The following SH3RF1 variants were observed in gnomAD, a reference collection of about 807,000 sequenced individuals.
SH3RF1 encodes SH3 domain containing ring finger 1.
Under a neutral mutation model 74.0 loss-of-function variants are expected in SH3RF1, and 32 were observed. That is an observed-to-expected ratio of 0.43 (90% CI 0.33 to 0.58). The LOEUF is 0.58. Among genes scored for constraint, SH3RF1 ranks in the 20% least tolerant of loss-of-function variants. SH3RF1 has a pLI of 0.05. For synonymous variants in SH3RF1, 396 were observed against 439.6 expected (o/e 0.90, Z 1.24); for missense variants, 954 against 1,130.9 (o/e 0.84, Z 2.24).
chr4:169,245,219 A>G (rs967130821), intron 2 of SH3RF1, among the ~76,000 whole-genome samples: 4 of 152,214 alleles, frequency 2.6e-5, no homozygotes, highest in African/African-American at 7.2e-5. Context: ...AACGCTACCA[A>G]CTACTAACTG....
At chr4:169,234,875 C>T (rs1579154707) in intron 2 of SH3RF1, among the ~76,000 whole-genome samples, 2 of 152,026 alleles carry the variant, frequency 1.3e-5, no homozygotes, top group South Asian at 2.1e-4. Context: ...CATGGTAGGA[C>T]GCACAGCATT....
intron 2 of SH3RF1, among the ~76,000 whole-genome samples, chr4:169,259,700 A>C (rs1482919769): frequency 6.6e-6 from 1 of 152,166 alleles, no homozygotes; most frequent in African/African-American, 2.4e-5. Context: ...TAAATGAGGG[A>C]GCCTTACCAG....
At chr4:169,196,605 T>C (rs1734816575) in intron 2 of SH3RF1, among the ~76,000 whole-genome samples, 1 of 152,222 alleles carries the variant, frequency 6.6e-6, no homozygotes, top group Non-Finnish European at 1.5e-5. Flanking sequence ...TTTCAGGGCA[T>C]GAGAAAATTA....
intron 1 of SH3RF1, 78 bp downstream of exon 1, chr4:169,270,781 G>A (rs1731437797): frequency 6.6e-6 from 1 of 152,158 alleles, no homozygotes; most frequent in South Asian, 2.1e-4. Flanking sequence ...GGGGAATGTC[G>A]AGACCACCGC....
intron 5 of SH3RF1, among the ~76,000 whole-genome samples, chr4:169,132,258 T>C (rs1485448486): frequency 2.0e-5 from 3 of 152,162 alleles, no homozygotes; most frequent in African/African-American, 7.2e-5. Flanking sequence ...GAGAAAGATA[T>C]CATTATTGAT....
intron 2 of SH3RF1, among the ~76,000 whole-genome samples, chr4:169,177,500 G>A (rs750350244): frequency 2.0e-5 from 3 of 152,110 alleles, no homozygotes; most frequent in Non-Finnish European, 4.4e-5. Context: ...TGACTTTAAT[G>A]AGCACACAAT....
At chr4:169,238,461 T>C (rs941667804) in intron 2 of SH3RF1, among the ~76,000 whole-genome samples, 3 of 152,246 alleles carry the variant, frequency 2.0e-5, no homozygotes, top group Non-Finnish European at 4.4e-5. Context: ...CAGGATGCTC[T>C]GTTCCAAACA....
chr4:169,130,689 C>T (rs374188258), intron 5 of SH3RF1, among the ~76,000 whole-genome samples: 4 of 152,248 alleles, frequency 2.6e-5, no homozygotes, highest in South Asian at 2.1e-4. Flanking sequence ...ATGCTTAGAG[C>T]GGGCAATTAC....
At position 169,264,734 on chromosome 4, in the gene SH3RF1, C is replaced by T. The variant is rs565934143; in HGVS notation, c.393+4086G>A. On this transcript the variant is annotated intron_variant, in intron 2 of 11. Transcript: ENST00000284637. Reference sequence around the variant, plus strand: ...TGCAGAGCACTTCCTATCTATCCTACCCATCTGACCCTTCACCCTACGTGG... The same window carrying T: ...TGCAGAGCACTTCCTATCTATCCTATCCATCTGACCCTTCACCCTACGTGG... Among the ~76,000 whole-genome samples the T allele has an allele frequency of 5.1e-4, 78 of 152,326 alleles. 1 individual carries two copies. In the South Asian group the frequency reaches 0.016, roughly 30 times the overall value.
intron 2 of SH3RF1, among the ~76,000 whole-genome samples, chr4:169,238,356 G>C (rs1392946390): frequency 6.6e-6 from 1 of 152,186 alleles, no homozygotes. Flanking sequence ...GCCAAATACA[G>C]TGGCCTCACA....
chr4:169,231,824 A>T lies in SH3RF1; in HGVS notation c.393+36996T>A, dbSNP rs192503039. The stretch of plus-strand genomic sequence containing the variant: ...ACTTAATAGTCATCAAATACCTACT[A>T]CATGTCAGGTACTGTTTGACATTAG... On this transcript the variant is annotated intron_variant, in intron 2 of 11. Transcript: ENST00000284637. Among the ~76,000 whole-genome samples, 54 of 152,310 alleles carry T rather than the reference A, an allele frequency of 3.5e-4. No individual in the cohort carries two copies. In the East Asian group the frequency reaches 0.01, roughly 29 times the overall value.
chr4:169,166,010 A>G (rs570741471), intron 2 of SH3RF1, among the ~76,000 whole-genome samples: 1 of 152,288 alleles, frequency 6.6e-6, no homozygotes, highest in South Asian at 2.1e-4. Context: ...TGTAAGTTTT[A>G]TAGGGGAAAC....
intron 2 of SH3RF1, among the ~76,000 whole-genome samples, chr4:169,183,134 C>A (rs1393296519): frequency 6.6e-6 from 1 of 152,114 alleles, no homozygotes; most frequent in Non-Finnish European, 1.5e-5. Flanking sequence ...GGCGAAACTC[C>A]ATCTCTACTA....
chr4:169,171,924 G>C lies in SH3RF1; in HGVS notation c.394-15245C>G, dbSNP rs566278122. Among the ~76,000 whole-genome samples, 4 of 152,176 alleles carry C rather than the reference G, an allele frequency of 2.6e-5. No homozygotes were observed. The South Asian group carries it at 8.3e-4, about 32-fold the overall frequency. ...GGTTATATCTGCTTCTTCTCCATCC[G>C]CACTGCAGTGAATCATGTTTATATA... On this transcript the variant is annotated intron_variant, in intron 2 of 11. Coordinates refer to ENST00000284637, the MANE Select transcript of SH3RF1 (RefSeq NM_020870.4).
intron 2 of SH3RF1, among the ~76,000 whole-genome samples, chr4:169,195,659 T>C (rs1278528355): frequency 1.3e-5 from 2 of 152,130 alleles, no homozygotes; most frequent in African/African-American, 4.8e-5. Context: ...CATATTTTCT[T>C]TCAGCTCTTT....
At position 169,096,424 on chromosome 4, in the gene SH3RF1, C is replaced by CCATCTTGAG. The variant is rs2126932116; in HGVS notation, c.*94_*95insCTCAAGATG. On this transcript the variant is annotated 3_prime_UTR_variant, in exon 12 of 12. Coordinates refer to ENST00000284637, the MANE Select transcript of SH3RF1 (RefSeq NM_020870.4). ...TACCAATCCTTTGCTCATCTCCTGA[C>CCATCTTGAG]CATCTGGAAGTCCACAAATGTGCTC... The CCATCTTGAG allele has an allele frequency of 1.5e-6, 2 of 1,350,206 alleles. No homozygotes were observed. The highest frequency in any genetic ancestry group is 2.0e-6 in the Non-Finnish European group (2 of 983,902). 83.6% of individuals were successfully genotyped at this position (1,350,206 alleles called of 1,614,324 possible).
chr4:169,262,593 G>C (rs1731296417), intron 2 of SH3RF1, among the ~76,000 whole-genome samples: 1 of 152,124 alleles, frequency 6.6e-6, no homozygotes, highest in Non-Finnish European at 1.5e-5. Flanking sequence ...CTTGAACCCA[G>C]GAGGCTGAGG....
rs530886905 is a variant in SH3RF1, at chr4:169,197,624, C to CAAAAAAAA, written c.394-40953_394-40946dup. Among the ~76,000 whole-genome samples the CAAAAAAAA allele has an allele frequency of 1.0e-3, 114 of 113,922 alleles. 4 individuals carry two copies. Among genetic ancestry groups the CAAAAAAAA allele is most frequent in the East Asian group, 9.1e-3 (34 of 3,744 alleles). The allele number at this position is 113,922 out of a possible 152,430, so 74.7% of individuals were successfully genotyped here. On this transcript the variant is annotated intron_variant, in intron 2 of 11. Coordinates refer to ENST00000284637, the MANE Select transcript of SH3RF1 (RefSeq NM_020870.4). ...GGGCGACAAAAGCAAGACTCTGTCT[C>CAAAAAAAA]AAAAAAAAAAAAAAAGCCCACCTTA...
chr4:169,231,956 G>A (rs1046081632), intron 2 of SH3RF1, among the ~76,000 whole-genome samples: 3 of 152,174 alleles, frequency 2.0e-5, no homozygotes, highest in African/African-American at 4.8e-5. Context: ...TTCCTCTAAT[G>A]GAGACATATT....
Sources: gnomAD v4.1 joint callset for allele counts (sites outside exome capture counted in the v4.1 genomes callset) on GRCh38, gnomAD v4.1.1 for gene constraint, MANE v1.5 for transcripts, NCBI Gene and HGNC (gene_info 2026-07-23, HGNC 2026-07-21) for gene names.